ARB2A: variants seen among roughly 807,000 people sequenced by gnomAD.
ARB2A encodes cotranscriptional regulator ARB2A.
chr5:93,724,510 T>C, the ARB2A span, among the ~76,000 whole-genome samples: 5 of 152,066 alleles, frequency 3.3e-5, no homozygotes, highest in Non-Finnish European at 4.4e-5. Context: ...TTATCACTTA[T>C]TGCAAGATGT....
At chr5:93,835,768 C>T in the ARB2A span, among the ~76,000 whole-genome samples, 2 of 152,138 alleles carry the variant, frequency 1.3e-5, no homozygotes, top group East Asian at 3.9e-4. Flanking sequence ...ACCAGCTGCC[C>T]TTAGTATTGC....
At chr5:93,922,578 G>T in the ARB2A span, among the ~76,000 whole-genome samples, 1 of 131,592 alleles carries the variant, frequency 7.6e-6, no homozygotes, top group East Asian at 2.5e-4. Flanking sequence ...AGGAAAGAAC[G>T]AAGGGAAGGG....
chr5:93,909,725 T>A, the ARB2A span, among the ~76,000 whole-genome samples: 1 of 150,998 alleles, frequency 6.6e-6, no homozygotes, highest in South Asian at 2.1e-4. Context: ...AAATTTTCAG[T>A]TTTTTTGTTG....
the ARB2A span, among the ~76,000 whole-genome samples, chr5:93,686,047 T>C: frequency 3.3e-5 from 5 of 152,234 alleles, no homozygotes; most frequent in Non-Finnish European, 5.9e-5. Context: ...GCTTTACATA[T>C]ATTATTAGCT....
chr5:94,058,288 G>A, the ARB2A span, among the ~76,000 whole-genome samples: 1 of 151,980 alleles, frequency 6.6e-6, no homozygotes, highest in Non-Finnish European at 1.5e-5. Context: ...TTCTTTAAAG[G>A]AATAGAAGAA....
chr5:94,049,880 G>T, the ARB2A span, among the ~76,000 whole-genome samples: 2 of 152,094 alleles, frequency 1.3e-5, no homozygotes, highest in Non-Finnish European at 2.9e-5. Context: ...GTTTTCTTAT[G>T]TAATGACTCA....
chr5:93,839,361 A>G, the ARB2A span, among the ~76,000 whole-genome samples: 1 of 152,146 alleles, frequency 6.6e-6, no homozygotes, highest in African/African-American at 2.4e-5. Context: ...TGTTGAACCA[A>G]TCTTATGTTC....
chr5:93,863,657 A>G, the ARB2A span: 27 of 152,006 alleles, frequency 1.8e-4, no homozygotes, highest in Non-Finnish European at 1.5e-5. Context: ...CTTTTTAAAT[A>G]TGGCATGTTT....
At chr5:93,950,309 T>C in the ARB2A span, among the ~76,000 whole-genome samples, 2 of 152,160 alleles carry the variant, frequency 1.3e-5, no homozygotes, top group South Asian at 2.1e-4. Flanking sequence ...TCCATAGTCA[T>C]TGTACTAATT....
At chr5:93,720,309 C>A in the ARB2A span, among the ~76,000 whole-genome samples, 1 of 152,184 alleles carries the variant, frequency 6.6e-6, no homozygotes, top group Non-Finnish European at 1.5e-5. Context: ...GCAGCCCATT[C>A]CATTTCTTAA....
At chr5:93,823,923 C>T in the ARB2A span, among the ~76,000 whole-genome samples, 1 of 151,976 alleles carries the variant, frequency 6.6e-6, no homozygotes, top group African/African-American at 2.4e-5. Context: ...CCACTGCCCT[C>T]TAGCCTGGCG....
chr5:93,721,465 A>G, the ARB2A span, among the ~76,000 whole-genome samples: 7 of 152,158 alleles, frequency 4.6e-5, no homozygotes, highest in Non-Finnish European at 1.5e-5. Context: ...AAAAGTTTTT[A>G]AATTATTGAT....
chr5:93,954,540 C>T, the ARB2A span, among the ~76,000 whole-genome samples: 1 of 151,870 alleles, frequency 6.6e-6, no homozygotes, highest in Non-Finnish European at 1.5e-5. Flanking sequence ...TCCTCAAGCA[C>T]CTCAAGCAGA....
chr5:93,846,930 T>C, the ARB2A span, among the ~76,000 whole-genome samples: 1 of 152,292 alleles, frequency 6.6e-6, no homozygotes, highest in Middle Eastern at 3.4e-3. Context: ...ATGAAAGATT[T>C]CTCTGTAGTA....
the ARB2A span, among the ~76,000 whole-genome samples, chr5:93,971,689 A>G: frequency 6.6e-6 from 1 of 152,118 alleles, no homozygotes; most frequent in African/African-American, 2.4e-5. Context: ...TAAAAATACA[A>G]TTTAAAATCC....
the ARB2A span, among the ~76,000 whole-genome samples, chr5:93,817,388 A>G: frequency 6.6e-6 from 1 of 152,206 alleles, no homozygotes; most frequent in Non-Finnish European, 1.5e-5. Context: ...AAGATTGTCA[A>G]GATGGCAACA....
chr5:94,053,169 A>G, the ARB2A span: 1 of 1,602,436 alleles, frequency 6.2e-7, no homozygotes, highest in East Asian at 2.3e-5. Context: ...TATCAGGAAA[A>G]TCAAGAGGCG....
chr5:93,942,295 CT>C, the ARB2A span, among the ~76,000 whole-genome samples: 4 of 152,240 alleles, frequency 2.6e-5, no homozygotes, highest in East Asian at 7.7e-4. Context: ...AGCTTTTAAC[CT>C]TTTCTGGAAT....
At chr5:93,696,295 C>T in the ARB2A span, among the ~76,000 whole-genome samples, 9 of 152,158 alleles carry the variant, frequency 5.9e-5, no homozygotes, top group Non-Finnish European at 1.2e-4. Flanking sequence ...TGTCAACCTC[C>T]TTTTTTGCTA....
Sources: allele counts gnomAD v4.1 joint callset (sites outside exome capture counted in the v4.1 genomes callset), GRCh38; gene constraint gnomAD v4.1.1; transcripts MANE v1.5; gene names NCBI Gene and HGNC (gene_info 2026-07-23, HGNC 2026-07-21).